IPCEF1: variants seen among roughly 807,000 people sequenced by gnomAD.
The protein encoded by IPCEF1 is interaction protein for cytohesin exchange factors 1.
In IPCEF1, 31 loss-of-function variants were observed where a neutral mutation model predicts 50.9. The ratio of observed to expected loss-of-function variants is 0.61; its 90% confidence interval spans 0.46 to 0.82. The LOEUF (loss-of-function observed/expected upper bound fraction) is 0.82, where lower values mean the gene tolerates loss of function less well. Among genes scored for constraint, IPCEF1 ranks in the 40% least tolerant of loss-of-function variants. The pLI, the probability that IPCEF1 is intolerant of heterozygous loss-of-function variation, is 0.00. For synonymous variants in IPCEF1, 181 were observed against 192.0 expected (o/e 0.94, Z 0.47); for missense variants, 458 against 514.0 (o/e 0.89, Z 1.05).
intron 10 of IPCEF1, among the ~76,000 whole-genome samples, chr6:154,173,161 T>C (rs1001059095): frequency 1.3e-5 from 2 of 152,216 alleles, no homozygotes; most frequent in African/African-American, 2.4e-5. Context: ...ACCCCATCCG[T>C]AGGTCACCAA....
At chr6:154,345,868 C>A (rs1784018160) in intron 1 of IPCEF1, among the ~76,000 whole-genome samples, 1 of 151,566 alleles carries the variant, frequency 6.6e-6, no homozygotes, top group South Asian at 2.1e-4. Flanking sequence ...TTTTTGTAAA[C>A]ACACACTTTT....
chr6:154,328,754 G>GT (rs1257459732), intron 1 of IPCEF1, among the ~76,000 whole-genome samples: 1 of 152,088 alleles, frequency 6.6e-6, no homozygotes, highest in Non-Finnish European at 1.5e-5. Flanking sequence ...TTTCTAAAAT[G>GT]TAAGAGCTCA....
At chr6:154,265,632 T>A (rs1292332245) in intron 3 of IPCEF1, among the ~76,000 whole-genome samples, 1 of 152,086 alleles carries the variant, frequency 6.6e-6, no homozygotes, top group Non-Finnish European at 1.5e-5. Flanking sequence ...GCATGAGAGG[T>A]TCCACTAGTA....
At chr6:154,354,412 A>ACCT (rs1784169658) in intron 1 of IPCEF1, among the ~76,000 whole-genome samples, 1 of 149,326 alleles carries the variant, frequency 6.7e-6, no homozygotes, top group Admixed American at 6.7e-5. Flanking sequence ...CATCTCCACC[A>ACCT]CCACCTCCAC....
At chr6:154,173,158 C>A (rs1800014854) in intron 10 of IPCEF1, among the ~76,000 whole-genome samples, 4 of 152,224 alleles carry the variant, frequency 2.6e-5, no homozygotes, top group Admixed American at 2.6e-4. Flanking sequence ...AAAACCCCAT[C>A]CGTAGGTCAC....
intron 1 of IPCEF1, among the ~76,000 whole-genome samples, chr6:154,290,632 C>A (rs1484119718): frequency 6.6e-6 from 1 of 152,128 alleles, no homozygotes; most frequent in Non-Finnish European, 1.5e-5. Context: ...CAATAACTTC[C>A]CACTGTCTCT....
At chr6:154,337,556 A>T (rs1439037355) in intron 1 of IPCEF1, among the ~76,000 whole-genome samples, 1 of 152,240 alleles carries the variant, frequency 6.6e-6, no homozygotes, top group Non-Finnish European at 1.5e-5. Context: ...CAAAGAGGCC[A>T]GGCCTCAGCA....
At chr6:154,324,285 G>A (rs1783465876) in intron 1 of IPCEF1, among the ~76,000 whole-genome samples, 1 of 152,108 alleles carries the variant, frequency 6.6e-6, no homozygotes. Context: ...TAAAATCATG[G>A]CCAGTTACAG....
chr6:154,302,026 A>G (rs1267694031), intron 1 of IPCEF1, among the ~76,000 whole-genome samples: 1 of 152,128 alleles, frequency 6.6e-6, no homozygotes, highest in African/African-American at 2.4e-5. Flanking sequence ...TGTGTGCTGG[A>G]TGTGTGAGTT....
chr6:154,343,908 G>T (rs1783971358), intron 1 of IPCEF1, among the ~76,000 whole-genome samples: 1 of 152,196 alleles, frequency 6.6e-6, no homozygotes, highest in Admixed American at 6.5e-5. Flanking sequence ...GCCCCGTGGT[G>T]TGCCTGGCAG....
intron 2 of IPCEF1, among the ~76,000 whole-genome samples, chr6:154,273,902 C>T (rs1275281038): frequency 7.3e-5 from 11 of 150,812 alleles, no homozygotes; most frequent in Admixed American, 2.6e-4. Context: ...TGCAGGCGCC[C>T]GCCACCACAC....
chr6:154,215,940 G>T (rs1469153653), intron 7 of IPCEF1, among the ~76,000 whole-genome samples: 1 of 152,144 alleles, frequency 6.6e-6, no homozygotes, highest in Non-Finnish European at 1.5e-5. Flanking sequence ...TTCACCACTG[G>T]ATTGGAAAAA....
chr6:154,161,779 A>G (rs1277733177), intron 11 of IPCEF1, among the ~76,000 whole-genome samples: 1 of 152,184 alleles, frequency 6.6e-6, no homozygotes. Flanking sequence ...AGTGCCATGT[A>G]GACATTCAAT....
At chr6:154,270,946 A>C (rs576140976) in intron 2 of IPCEF1, among the ~76,000 whole-genome samples, 60 of 152,348 alleles carry the variant, frequency 3.9e-4, no homozygotes, top group African/African-American at 1.3e-3. Context: ...ACTGCACTCC[A>C]GCCTAGGTGA....
chr6:154,267,332 A>G (rs1157110280), intron 2 of IPCEF1, among the ~76,000 whole-genome samples: 4 of 152,232 alleles, frequency 2.6e-5, no homozygotes, highest in Non-Finnish European at 5.9e-5. Flanking sequence ...GCTTAATCTC[A>G]TTAGTAATAA....
At chr6:154,343,799 G>A (rs1783968517) in intron 1 of IPCEF1, among the ~76,000 whole-genome samples, 1 of 152,140 alleles carries the variant, frequency 6.6e-6, no homozygotes. Flanking sequence ...AGGAAAGCCC[G>A]GCTCTTAGAA....
chr6:154,253,776 G>A (rs1306181762), intron 3 of IPCEF1, among the ~76,000 whole-genome samples: 2 of 152,070 alleles, frequency 1.3e-5, no homozygotes, highest in Non-Finnish European at 2.9e-5. Context: ...CCAGGAATAT[G>A]TTTTAGTCTC....
chr6:154,328,797 T>G (rs1246702646), intron 1 of IPCEF1, among the ~76,000 whole-genome samples: 1 of 152,176 alleles, frequency 6.6e-6, no homozygotes, highest in Non-Finnish European at 1.5e-5. Context: ...CTATTCTACT[T>G]TATCATTCCA....
At chr6:154,329,037 G>GA (rs1783591546) in intron 1 of IPCEF1, among the ~76,000 whole-genome samples, 1 of 152,052 alleles carries the variant, frequency 6.6e-6, no homozygotes, top group African/African-American at 2.4e-5. Context: ...AAAGATGGCA[G>GA]AAAAAAATAA....
Sources: gnomAD v4.1 joint callset for allele counts (sites outside exome capture counted in the v4.1 genomes callset) on GRCh38, gnomAD v4.1.1 for gene constraint, MANE v1.5 for transcripts, NCBI Gene and HGNC (gene_info 2026-07-23, HGNC 2026-07-21) for gene names.